The following ZNF735 variants were observed in gnomAD, a reference collection of about 807,000 sequenced individuals.
The protein encoded by ZNF735 is putative zinc finger protein 735.
ZNF735 carries 11 observed loss-of-function variants against 13.4 expected under a neutral mutation model. That is an observed-to-expected ratio of 0.82 (90% CI 0.52 to 1.36). The LOEUF is 1.36. Ranked by LOEUF, ZNF735 falls within the 40% of genes most tolerant of loss-of-function variation. ZNF735 has a pLI of 0.00. For synonymous variants in ZNF735, 171 were observed against 162.6 expected (o/e 1.05, Z -0.39); for missense variants, 500 against 484.6 (o/e 1.03, Z -0.30).
chr7:64,214,234 A>AT (rs1787393754), intron 3 of ZNF735, 126 bp downstream of exon 3: 1 of 996,528 alleles, frequency 1.0e-6, no homozygotes, highest in African/African-American at 1.7e-5. Context: ...AAGCTTGAGT[A>AT]TTTTTTATTT....
At chr7:64,219,040 G>A (rs188691923) in intron 3 of ZNF735, among the ~76,000 whole-genome samples, 20 of 152,278 alleles carry the variant, frequency 1.3e-4, no homozygotes. Context: ...AGGAAGGGCT[G>A]TGTTGGGTAA....
chr7:64,219,969 T>A (rs774675546), exon 4 of ZNF735: 2 of 1,614,016 alleles, frequency 1.2e-6, no homozygotes, highest in Non-Finnish European at 1.7e-6. Context: ...GCAAAGCCTT[T>A]AGCGTATCCT....
At chr7:64,213,938 G>T in intron 2 of ZNF735, 75 bp from the exon 3 acceptor site, 1 of 1,343,930 alleles carries the variant, frequency 7.4e-7, no homozygotes, top group South Asian at 1.3e-5. Flanking sequence ...CAGCCTGAGC[G>T]ACAGAGTGAG....
intron 1 of ZNF735, among the ~76,000 whole-genome samples, chr7:64,208,606 A>C (rs1288518813): frequency 6.6e-6 from 1 of 151,526 alleles, no homozygotes; most frequent in Admixed American, 6.6e-5. Flanking sequence ...TACATGTGCA[A>C]GTTTGTTATA....
intron 2 of ZNF735, 58 bp downstream of exon 2, chr7:64,213,276 T>C: frequency 1.3e-6 from 2 of 1,510,384 alleles, no homozygotes; most frequent in Non-Finnish European, 1.8e-6. Flanking sequence ...TTTTCTAAGA[T>C]GATTTTGGTA....
chr7:64,207,350 G>C (rs187283602), intron 1 of ZNF735, 109 bp downstream of exon 1: 18 of 1,604,394 alleles, frequency 1.1e-5, no homozygotes, highest in African/African-American at 9.4e-5. Context: ...CGGAGTCTGA[G>C]GACCCAAATC....
intron 1 of ZNF735, among the ~76,000 whole-genome samples, chr7:64,207,669 A>G (rs997011812): frequency 1.3e-5 from 2 of 152,200 alleles, no homozygotes; most frequent in African/African-American, 4.8e-5. Flanking sequence ...AAAATATTAG[A>G]GAATTTAATC....
At chr7:64,217,325 A>G (rs1300642646) in intron 3 of ZNF735, among the ~76,000 whole-genome samples, 1 of 152,244 alleles carries the variant, frequency 6.6e-6, no homozygotes, top group African/African-American at 2.4e-5. Flanking sequence ...ATGCTGGCAT[A>G]TACTTCTTGT....
At chr7:64,207,376 C>G (rs1210400136) in intron 1 of ZNF735, 135 bp downstream of exon 1, 2 of 1,541,524 alleles carry the variant, frequency 1.3e-6, no homozygotes, top group African/African-American at 1.4e-5. Context: ...TGGCCCAGTT[C>G]GGCTGTTAGC....
chr7:64,211,009 C>A lies in ZNF735; in HGVS notation c.40-2083C>A, dbSNP rs1172894820. On this transcript the variant is annotated intron_variant, in intron 1 of 3. Transcript: ENST00000429565. ...AGATCAAGAGCAGTGTCCACTCTGC[C>A]TTTTGGAATGCCATCTGTTTGGAAA... is the stretch of plus-strand genomic sequence containing the variant. 2.0e-5 allele frequency among the ~76,000 whole-genome samples: 3 copies of A among 152,240 alleles called. No individual in the cohort carries two copies. In the East Asian group the frequency reaches 5.8e-4, roughly 29 times the overall value.
intron 3 of ZNF735, among the ~76,000 whole-genome samples, chr7:64,214,500 T>A (rs1311722726): frequency 6.6e-6 from 1 of 152,166 alleles, no homozygotes; most frequent in African/African-American, 2.4e-5. Flanking sequence ...ATGTCTAAAA[T>A]GTGTGAGAAT....
chr7:64,219,658 C>T, exon 4 of ZNF735: 3 of 1,584,418 alleles, frequency 1.9e-6, no homozygotes, highest in Non-Finnish European at 2.6e-6. Flanking sequence ...CCTAAATCAA[C>T]ATCAGATAAT....
chr7:64,213,820 G>A (rs1165599965), intron 2 of ZNF735, among the ~76,000 whole-genome samples, 193 bp from the exon 3 acceptor site: 13 of 152,082 alleles, frequency 8.5e-5, no homozygotes, highest in Non-Finnish European at 1.3e-4. Context: ...TTAGCTGGGC[G>A]TGGTGGTATG....
At position 64,213,998 on chromosome 7, in the gene ZNF735, T is replaced by G. The variant is rs772006836; in HGVS notation, c.167-15T>G. The G allele has an allele frequency of 6.4e-7, 1 of 1,574,228 alleles. No individual in the cohort carries two copies. Among genetic ancestry groups the G allele is most frequent in the Non-Finnish European group, 8.5e-7 (1 of 1,170,004 alleles). ...TAAATAAGATTTAAGTTACTTTTTT[T>G]TCTTAATAAAACAGGTATGACTGTC... On this transcript the variant is annotated splice_polypyrimidine_tract_variant and intron_variant, in intron 2 of 3. Coordinates refer to ENST00000429565, the Ensembl canonical transcript of ZNF735.
exon 4 of ZNF735, chr7:64,219,727 T>C (rs1328533346): frequency 1.9e-6 from 3 of 1,600,868 alleles, no homozygotes; most frequent in Non-Finnish European, 2.6e-6. Context: ...TAACCACTCC[T>C]CAAGCGGTAC....
In ZNF735 at chr7:64,219,739, A is replaced by G. The variant is rs1189590728; in HGVS notation, c.688A>G (p.Thr230Ala). ...CTTTAACCACTCCTCAAGCGGTACT[A>G]CACATAAAAGAATTCTTACTGGAGA... Residue 230 changes from threonine (T) to alanine (A), a missense_variant, in exon 4 of 4, where the codon ACA becomes GCA. By Grantham distance (58) the Thr-to-Ala change is moderately conservative. Coordinates refer to ENST00000429565, the Ensembl canonical transcript of ZNF735. 9 of 1,605,784 alleles carry G rather than the reference A, an allele frequency of 5.6e-6. No homozygotes were observed. Among genetic ancestry groups the G allele is most frequent in the Non-Finnish European group, 7.7e-6 (9 of 1,175,574 alleles).
At chr7:64,207,213 G>C in exon 1 of ZNF735, 2 of 1,614,194 alleles carry the variant, frequency 1.2e-6, no homozygotes, top group Non-Finnish European at 8.5e-7. Context: ...ATGGCTAAAA[G>C]ACCGGGACCC....
At chr7:64,213,129 C>G in exon 2 of ZNF735, 1 of 1,612,072 alleles carries the variant, frequency 6.2e-7, no homozygotes, top group South Asian at 1.1e-5. Flanking sequence ...ATAGAATTCT[C>G]TCTGGCGGAG....
intron 3 of ZNF735, among the ~76,000 whole-genome samples, chr7:64,218,663 G>A (rs1428711987): frequency 6.6e-6 from 1 of 151,168 alleles, no homozygotes; most frequent in African/African-American, 2.4e-5. Flanking sequence ...TGATTTTTTT[G>A]ATTGGACCAT....
Sources: allele counts gnomAD v4.1 joint callset (sites outside exome capture counted in the v4.1 genomes callset), GRCh38; gene constraint gnomAD v4.1.1; transcripts MANE v1.5; gene names NCBI Gene and HGNC (gene_info 2026-07-23, HGNC 2026-07-21).